Variants in SLC4A11 observed in about 807,000 individuals in gnomAD.
SLC4A11 encodes solute carrier family 4 member 11.
In SLC4A11, 74 loss-of-function variants were observed where a neutral mutation model predicts 95.0. The ratio of observed to expected loss-of-function variants is 0.78; its 90% confidence interval spans 0.65 to 0.95. The LOEUF (loss-of-function observed/expected upper bound fraction) is 0.95. Ranked by LOEUF, SLC4A11 falls within the 40% of genes least tolerant of loss-of-function variation. The pLI is 0.00. For synonymous variants in SLC4A11, 548 were observed against 519.0 expected, an observed-to-expected ratio of 1.06 and a Z score of -0.76; for missense variants, 1,081 against 1,192.4, an observed-to-expected ratio of 0.91 and a Z score of 1.38.
chr20:3,228,320 T>C lies in SLC4A11; in HGVS notation c.2497A>G (p.Ser833Gly), dbSNP rs749806849. 6 of 1,613,032 alleles carry C rather than the reference T, an allele frequency of 3.7e-6. No individual in the cohort carries two copies. In the South Asian group the frequency reaches 6.6e-5, roughly 18 times the overall value. ...ATCATCTTCATGTAGGGCAGGGAGC[T>C]CATGCCGAAGGCACACAGCAGCAGC... ...QLLLLCAFGM[S>G]SLPYMKMIFP... The change falls in exon 19 of 20, where the codon AGC becomes GGC. Residue 833 changes from serine to glycine, a missense_variant. Coordinates refer to ENST00000642402, the MANE Select transcript of SLC4A11 (RefSeq NM_001174089.2).
chr20:3,230,367 A>C, intron 12 of SLC4A11, 107 bp from the exon 13 acceptor site: 2 of 1,578,304 alleles, frequency 1.3e-6, no homozygotes, highest in East Asian at 2.2e-5. Context: ...GCCAGGAAGA[A>C]GGCCAGGGCC....
At position 3,233,613 on chromosome 20, in the gene SLC4A11, C is replaced by T; in HGVS notation, c.630G>A (p.Lys210=). 1 of 1,613,306 alleles carries T rather than the reference C, an allele frequency of 6.2e-7. No homozygotes were observed. Among genetic ancestry groups the T allele is most frequent in the Non-Finnish European group, 8.5e-7 (1 of 1,180,010 alleles). The stretch of plus-strand genomic sequence containing the variant: ...CCAGGCGGCTGATGCACACGTGCCG[C>T]TTCTGTAGGGCCTTCATGGTACAGC... ...CIICTMKALQ[K]RHVCISRLVR... The change falls in exon 7 of 20, where the codon AAG becomes AAA. Residue 210 remains lysine, a synonymous_variant. Coordinates refer to ENST00000642402, the MANE Select transcript of SLC4A11 (RefSeq NM_001174089.2).
At chr20:3,237,931 C>CCCGCTGCAGCGA (rs1267563341) in intron 1 of SLC4A11, 1 of 1,550,512 alleles carries the variant, frequency 6.4e-7, no homozygotes, top group East Asian at 2.4e-5. Flanking sequence ...AAAACCCTGC[C>CCCGCTGCAGCGA]CCGCTGCAGC....
chr20:3,230,675 G>C (rs1447583393), intron 11 of SLC4A11, 28 bp from the exon 12 acceptor site: 1 of 1,613,086 alleles, frequency 6.2e-7, no homozygotes. Context: ...GGCGGGTCAG[G>C]GCCCGGCAGG....
chr20:3,235,331 A>T (rs1390681831), intron 2 of SLC4A11, among the ~76,000 whole-genome samples: 2 of 151,386 alleles, frequency 1.3e-5, no homozygotes, highest in Non-Finnish European at 2.9e-5. Flanking sequence ...ACACACACAC[A>T]CACACACACA....
At chr20:3,232,043 C>A (rs754943911) in intron 7 of SLC4A11, among the ~76,000 whole-genome samples, 3 of 152,180 alleles carry the variant, frequency 2.0e-5, no homozygotes, top group Non-Finnish European at 4.4e-5. Flanking sequence ...ACCGCAACTA[C>A]CATCGATCTA....
At chr20:3,233,285 CA>C (rs1568539129) in intron 7 of SLC4A11, among the ~76,000 whole-genome samples, 1 of 152,270 alleles carries the variant, frequency 6.6e-6, no homozygotes, top group East Asian at 1.9e-4. Flanking sequence ...GGATAGTGGT[CA>C]AAAGCGTTTC....
intron 1 of SLC4A11, 149 bp downstream of exon 1, chr20:3,238,946 C>T: frequency 1.6e-6 from 2 of 1,263,746 alleles, no homozygotes; most frequent in Non-Finnish European, 2.0e-6. Flanking sequence ...GCCCTCCTCC[C>T]CGCGGCTGGG....
chr20:3,229,697 G>T lies in SLC4A11; in HGVS notation c.1569C>A (p.Gly523=), dbSNP rs1600569735. The T allele has an allele frequency of 6.2e-7, 1 of 1,613,850 alleles. No homozygotes were observed. The highest frequency in any genetic ancestry group is 1.1e-5 in the South Asian group (1 of 91,090). Residue 523 remains glycine (G), a synonymous_variant, in exon 14 of 20, where the codon GGC becomes GGA. Coordinates refer to ENST00000642402, the MANE Select transcript of SLC4A11 (RefSeq NM_001174089.2). ...GGCTGGCGTTGAGGCTGGCGCCGAG[G>T]CCTGACAGGCTGACAAGGGATGAAG... ...KRTSSLVSLS[G]LGASLNASLH...
chr20:3,227,937 C>T (rs564082246), intron 19 of SLC4A11, 81 bp from the exon 20 acceptor site: 2 of 1,346,138 alleles, frequency 1.5e-6, no homozygotes, highest in Admixed American at 2.0e-5. Flanking sequence ...CCCCAGCCCA[C>T]CCACAGGGCC....
Position 3,231,293 on chromosome 20 carries a change from C to G in SLC4A11, c.948+37G>C. Reference sequence around the variant, plus strand: ...TAGCCCTGTCCGGCCCATGCCCCCGCCGACCCTGCCGGCCCCCGCCGGCCT... The same window carrying G: ...TAGCCCTGTCCGGCCCATGCCCCCGGCGACCCTGCCGGCCCCCGCCGGCCT... On this transcript the variant is annotated intron_variant, in intron 8 of 19. Coordinates refer to ENST00000642402, the MANE Select transcript of SLC4A11 (RefSeq NM_001174089.2). This position sits in a 1 kb window ranked among gnomAD's most constrained non-coding sequence, Gnocchi z 5.2. 1.2e-6 allele frequency: 2 copies of G among 1,613,436 alleles called. No homozygotes were observed. Among genetic ancestry groups the G allele is most frequent in the Non-Finnish European group, 1.7e-6 (2 of 1,179,922 alleles).
At chr20:3,233,886 G>A (rs370614521) in intron 6 of SLC4A11, 35 bp downstream of exon 6, 39 of 1,608,302 alleles carry the variant, frequency 2.4e-5, no homozygotes, top group African/African-American at 2.3e-4. Flanking sequence ...GTTCCACTGC[G>A]ACAAGAAGGG....
chr20:3,238,368 G>A (rs545248507), intron 1 of SLC4A11: 6 of 985,372 alleles, frequency 6.1e-6, no homozygotes, highest in Admixed American at 1.2e-4. Flanking sequence ...GACCCCGGGG[G>A]TCGGGGCGCA....
intron 15 of SLC4A11, 41 bp downstream of exon 15, chr20:3,229,305 G>A: frequency 1.2e-6 from 2 of 1,613,066 alleles, no homozygotes; most frequent in Non-Finnish European, 1.7e-6. Context: ...GCAGCGCCTG[G>A]GGAGCTACCC....
In SLC4A11 at chr20:3,228,378, G is replaced by T. The variant is rs1326593216; in HGVS notation, c.2439C>A (p.Ile813=). ...HYIRRVPQRK[I]HYFTGLQVLQ... ...GCACCTGCAGGCCCGTGAAGTAGTG[G>T]ATCTTCCTCTGGGGCACCCTCCGGA... Residue 813 remains isoleucine, a synonymous_variant, in exon 19 of 20, where the codon ATC becomes ATA. Coordinates refer to ENST00000642402, the MANE Select transcript of SLC4A11 (RefSeq NM_001174089.2). The T allele has an allele frequency of 1.2e-6, 2 of 1,613,378 alleles. No homozygotes were observed. Among genetic ancestry groups the T allele is most frequent in the Non-Finnish European group, 1.7e-6 (2 of 1,180,002 alleles).
At position 3,234,881 on chromosome 20, in the gene SLC4A11, A is replaced by C. The variant is rs1401950422; in HGVS notation, c.102T>G (p.Cys34Trp). The part of the protein sequence containing the change: ...GYFEDSSYYK[C>W]DTDDTFEARE... ...GGGCTTCGAAGGTGTCATCTGTGTC[A>C]CACTTGTAGTAGCCTAGAGACCCCC... The change falls in exon 3 of 20, where the codon TGT (cysteine) becomes TGG (tryptophan). Residue 34 changes from cysteine to tryptophan, a missense_variant. By Grantham distance (215) the Cys-to-Trp change is radical (BLOSUM62 -2). Around this residue, in one of 3 missense-constraint regions of SLC4A11, gnomAD observed 310 missense variants for 313.5 expected, o/e 0.99. Transcript: ENST00000642402. The surrounding 1 kb of genome is among the most constrained non-coding windows in gnomAD (Gnocchi z 5.8). 1 of 1,613,878 alleles carries C rather than the reference A, an allele frequency of 6.2e-7. No individual in the cohort carries two copies. The highest frequency in any genetic ancestry group is 8.5e-7 in the Non-Finnish European group (1 of 1,179,986).
intron 1 of SLC4A11, chr20:3,237,890 T>C (rs1410008755): frequency 1.9e-6 from 3 of 1,550,830 alleles, no homozygotes; most frequent in East Asian, 2.4e-5. Context: ...TTAGTACCAG[T>C]ACCATGTTCG....
rs1397672072 is a variant in SLC4A11 at position 3,235,305 on chromosome 20, TCTCTCA to T, written c.89-417_89-412del. The stretch of plus-strand genomic sequence containing the variant: ...GTCTCTCTCTCTCTCTCTCTCTCTC[TCTCTCA>T]CACACACACACACACACACACACAC... On this transcript the variant is annotated intron_variant, in intron 2 of 19. Transcript: ENST00000642402. Among the ~76,000 whole-genome samples the T allele has an allele frequency of 9.9e-4, 109 of 109,886 alleles. No homozygotes were observed. The South Asian group carries it at 0.012, about 12-fold the overall frequency. The allele number at this position is 109,886 out of a possible 152,430, so 72.1% of individuals were successfully genotyped here. A position where few individuals can be genotyped will look rare whatever the true frequency, so the allele number is the denominator to read the frequency against.
At chr20:3,239,493 G>A, upstream of SLC4A11, 1 of 1,004,268 alleles carries the variant, frequency 1.0e-6, no homozygotes, top group African/African-American at 1.7e-5. Context: ...GACGGGGCCG[G>A]GGAGCTTCTG....
Sources: allele counts gnomAD v4.1 joint callset (sites outside exome capture counted in the v4.1 genomes callset), GRCh38; gene constraint gnomAD v4.1.1; regional missense constraint gnomAD v4.1.1; non-coding constraint Gnocchi (gnomAD v3.1); transcripts MANE v1.5; gene names NCBI Gene and HGNC (gene_info 2026-07-23, HGNC 2026-07-21).